Variants in LARGE1 observed in about 807,000 individuals in gnomAD.
The protein encoded by LARGE1 is xylosyl- and glucuronyltransferase LARGE1.
LARGE1 carries 43 observed loss-of-function variants against 87.6 expected under a neutral mutation model. That is an observed-to-expected ratio of 0.49 (90% CI 0.38 to 0.63). The LOEUF is 0.63. Ranked by LOEUF, LARGE1 falls within the 30% of genes least tolerant of loss-of-function variation. The probability of loss-of-function intolerance (pLI) is 0.00; values close to 1 mark genes in which losing one functional copy is unlikely to be tolerated. For synonymous variants in LARGE1, 434 were observed against 394.6 expected, an observed-to-expected ratio of 1.10 and a Z score of -1.18; for missense variants, 802 against 1,000.2, an observed-to-expected ratio of 0.80 and a Z score of 2.67.
At chr22:33,654,372 C>A (rs371609903) in intron 2 of LARGE1, among the ~76,000 whole-genome samples, 1 of 152,172 alleles carries the variant, frequency 6.6e-6, no homozygotes, top group Non-Finnish European at 1.5e-5. Flanking sequence ...TTCTGAAAGG[C>A]GGGGCCCTGG....
At position 33,273,620 on chromosome 22, in the gene LARGE1, C is replaced by T. The variant is rs962941812; in HGVS notation, c.*807G>A. 1.3e-5 allele frequency: 5 copies of T among 398,814 alleles called. No homozygotes were observed. The highest frequency in any genetic ancestry group is 1.3e-4 in the South Asian group (1 of 7,848). 24.7% of individuals were successfully genotyped at this position (398,814 alleles called of 1,614,324 possible). A position where few individuals can be genotyped will look rare whatever the true frequency, so the allele number is the denominator to read the frequency against. On this transcript the variant is annotated 3_prime_UTR_variant, in exon 15 of 15. Coordinates refer to ENST00000397394, the MANE Select transcript of LARGE1 (RefSeq NM_133642.5). ...CTGGAGAGTAGGGAGTTCAAAGTCACGGGAGCCTCGGTGATCATCCTGAAG... is the reference window on the plus strand; with the variant it reads ...CTGGAGAGTAGGGAGTTCAAAGTCATGGGAGCCTCGGTGATCATCCTGAAG...
At chr22:33,400,598 C>G (rs2065898471) in intron 7 of LARGE1, among the ~76,000 whole-genome samples, 1 of 152,184 alleles carries the variant, frequency 6.6e-6, no homozygotes, top group Non-Finnish European at 1.5e-5. Flanking sequence ...TTTCCCTCCC[C>G]AGAAGGGAGA....
chr22:33,858,651 T>C (rs1296312668), intron 1 of LARGE1, among the ~76,000 whole-genome samples: 5 of 152,348 alleles, frequency 3.3e-5, no homozygotes, highest in African/African-American at 1.2e-4. Context: ...GGATTCTTAG[T>C]TGGCCTAGGA....
At chr22:33,341,110 A>G (rs528896523) in intron 9 of LARGE1, among the ~76,000 whole-genome samples, 2 of 152,238 alleles carry the variant, frequency 1.3e-5, no homozygotes, top group East Asian at 1.9e-4. Flanking sequence ...TGATGACATT[A>G]GGAGGTGGGA....
At chr22:33,886,185 G>A (rs918449281) in intron 1 of LARGE1, among the ~76,000 whole-genome samples, 2 of 152,248 alleles carry the variant, frequency 1.3e-5, no homozygotes, top group African/African-American at 4.8e-5. Context: ...CTGCTCCCTG[G>A]TGCTCAGTAA....
At chr22:33,908,084 C>A (rs1368350341) in intron 1 of LARGE1, among the ~76,000 whole-genome samples, 2 of 152,182 alleles carry the variant, frequency 1.3e-5, no homozygotes, top group Non-Finnish European at 2.9e-5. Context: ...ATCAACCCAT[C>A]CACCACTGCA....
chr22:33,136,633 G>A, the LARGE1 span, among the ~76,000 whole-genome samples: 1 of 152,148 alleles, frequency 6.6e-6, no homozygotes, highest in Non-Finnish European at 1.5e-5. Flanking sequence ...GGGATGTTAA[G>A]GGCAAAACAG....
At position 33,272,690 on chromosome 22, in the gene LARGE1, G is replaced by GTGTAACATCCACTTGAGCA. The variant is rs1928393233; in HGVS notation, c.*1718_*1736dup. Among the ~76,000 whole-genome samples, 1 of 151,926 alleles carries GTGTAACATCCACTTGAGCA rather than the reference G, an allele frequency of 6.6e-6. No homozygotes were observed. The highest frequency in any genetic ancestry group is 1.9e-4 in the East Asian group (1 of 5,202). On this transcript the variant is annotated 3_prime_UTR_variant, in exon 15 of 15. Transcript: ENST00000397394. Reference sequence around the variant, plus strand: ...TTTCCTAATTCTTGTATAAATTTCCGTGTAACATCCACTTGAGCATGTAAC... The same window carrying GTGTAACATCCACTTGAGCA: ...TTTCCTAATTCTTGTATAAATTTCCGTGTAACATCCACTTGAGCATGTAACATCCACTTGAGCATGTAAC...
chr22:33,712,971 T>C (rs945751908), intron 2 of LARGE1, among the ~76,000 whole-genome samples: 8 of 152,192 alleles, frequency 5.3e-5, no homozygotes, highest in Non-Finnish European at 1.2e-4. Flanking sequence ...TTGCCTACCC[T>C]GTGGCTAATC....
chr22:33,373,972 C>CA (rs35830988), intron 9 of LARGE1, among the ~76,000 whole-genome samples: 8,224 of 58,480 alleles, frequency 0.14, 796 homozygotes, highest in South Asian at 0.26. Context: ...GACTCCGTCT[C>CA]AAAAAAAAAA....
chr22:33,074,236 T>C, the LARGE1 span, among the ~76,000 whole-genome samples: 1 of 152,068 alleles, frequency 6.6e-6, no homozygotes. Context: ...GCTTCCCACA[T>C]CTCTCCTCCA....
chr22:33,698,230 G>A (rs577920128), intron 2 of LARGE1, among the ~76,000 whole-genome samples: 10 of 151,920 alleles, frequency 6.6e-5, no homozygotes, highest in African/African-American at 2.2e-4. Flanking sequence ...ACGCCACCAC[G>A]CTCGGCTAAT....
chr22:33,697,211 C>A (rs2082277900), intron 2 of LARGE1, among the ~76,000 whole-genome samples: 1 of 152,134 alleles, frequency 6.6e-6, no homozygotes, highest in Non-Finnish European at 1.5e-5. Context: ...AGCTCTGAGT[C>A]CAGTCCCAAA....
rs143016748 is a variant in LARGE1 at position 33,870,270 on chromosome 22, C to A, written c.-83+49725G>T. Among the ~76,000 whole-genome samples the A allele has an allele frequency of 1.6e-3, 250 of 152,266 alleles. 2 individuals carry two copies. Among genetic ancestry groups the A allele is most frequent in the African/African-American group, 4.5e-3 (188 of 41,550 alleles). ...AAGGACACAGTTTCAGAGAGCATGG[C>A]CCTGCCAACACAAAACTGGTCTCTG... is the stretch of plus-strand genomic sequence containing the variant. On this transcript the variant is annotated intron_variant, in intron 1 of 14. Transcript: ENST00000397394.
At chr22:33,685,149 C>T (rs139288865) in intron 2 of LARGE1, among the ~76,000 whole-genome samples, 158 of 152,248 alleles carry the variant, frequency 1.0e-3, no homozygotes, top group African/African-American at 3.6e-3. Flanking sequence ...CTGGCATATG[C>T]CCTGGAGATG....
intron 1 of LARGE1, among the ~76,000 whole-genome samples, chr22:33,910,764 G>C (rs1255511893): frequency 3.3e-5 from 5 of 152,162 alleles, no homozygotes; most frequent in Admixed American, 3.3e-4. Flanking sequence ...TGGGGGGTTG[G>C]ATCCAGCAAA....
intron 5 of LARGE1, among the ~76,000 whole-genome samples, chr22:33,585,021 G>C: frequency 6.6e-6 from 1 of 152,280 alleles, no homozygotes; most frequent in East Asian, 1.9e-4. Context: ...AGAGGCTGAG[G>C]CATGAGAATA....
intron 1 of LARGE1, among the ~76,000 whole-genome samples, chr22:33,772,512 G>A (rs914510376): frequency 6.6e-6 from 1 of 151,884 alleles, no homozygotes; most frequent in Non-Finnish European, 1.5e-5. Flanking sequence ...GTCTTTGCAA[G>A]TGTGCTCCCT....
intron 11 of LARGE1, among the ~76,000 whole-genome samples, chr22:33,183,702 C>G (rs1238329106): frequency 6.6e-6 from 1 of 151,774 alleles, no homozygotes; most frequent in Admixed American, 6.6e-5. Context: ...ATCGATTGCT[C>G]TGGAGCCCAT....
Sources: allele counts gnomAD v4.1 joint callset (sites outside exome capture counted in the v4.1 genomes callset), GRCh38; gene constraint gnomAD v4.1.1; transcripts MANE v1.5; gene names NCBI Gene and HGNC (gene_info 2026-07-23, HGNC 2026-07-21).